ETS2: variants seen among roughly 807,000 people sequenced by gnomAD.
ETS2 encodes the protein protein C-ets-2.
ETS2 carries 19 observed loss-of-function variants against 54.9 expected under a neutral mutation model. The ratio of observed to expected loss-of-function variants is 0.35; its 90% confidence interval spans 0.24 to 0.51. ETS2 has a LOEUF of 0.51. ETS2 is among the 20% of genes least tolerant of loss of function. The pLI is 0.97. For synonymous variants in ETS2, 219 were observed against 229.3 expected (o/e 0.95, Z 0.41); for missense variants, 417 against 593.0 (o/e 0.70, Z 3.08).
chr21:38,806,943 AT>A lies in ETS2; in HGVS notation c.-1+826del. On this transcript the variant is annotated intron_variant, in intron 1 of 9. Transcript: ENST00000360938. The surrounding 1 kb of genome is among the most constrained non-coding windows in gnomAD (Gnocchi z 4.3). ...TAAAACAGTAGTTGACGCGCTAGTT[AT>A]TTAGAAAGTAAAGAAATGAGCAGTC... The A allele has an allele frequency of 1.7e-6, 1 of 574,646 alleles. No homozygotes were observed. Among genetic ancestry groups the A allele is most frequent in the Non-Finnish European group, 2.2e-6 (1 of 454,560 alleles). 35.6% of individuals were successfully genotyped at this position (574,646 alleles called of 1,614,324 possible).
Position 38,814,759 on chromosome 21 carries a change from A to AT in ETS2, c.305-16dup, listed in dbSNP as rs1008527834. 13 of 1,610,332 alleles carry AT rather than the reference A, an allele frequency of 8.1e-6. No individual in the cohort carries two copies. In the Admixed American group the frequency reaches 1.7e-4, roughly 21 times the overall value. On this transcript the variant is annotated intron_variant, in intron 4 of 9. Coordinates refer to ENST00000360938, the MANE Select transcript of ETS2 (RefSeq NM_005239.6). This position sits in a 1 kb window ranked among gnomAD's most constrained non-coding sequence, Gnocchi z 4.2. ...CCACTGTTTTTACCTCATGTGTTCC[A>AT]TTTTTTCTTCTCTCCTGGTAGACCC...
At position 38,822,993 on chromosome 21, in the gene ETS2, TC is replaced by T; in HGVS notation, c.*106del. The T allele has an allele frequency of 2.1e-6, 2 of 956,004 alleles. No individual in the cohort carries two copies. The highest frequency in any genetic ancestry group is 2.9e-6 in the Non-Finnish European group (2 of 679,284). The allele number at this position is 956,004 out of a possible 1,614,324, so 59.2% of individuals were successfully genotyped here. A position where few individuals can be genotyped will look rare whatever the true frequency, so the allele number is the denominator to read the frequency against. On this transcript the variant is annotated 3_prime_UTR_variant, in exon 10 of 10. Transcript: ENST00000360938. The stretch of plus-strand genomic sequence containing the variant: ...CCCAGGAAAGGCAGGATTGAAAATG[TC>T]CAGGAAAGTGGCCAAGAAGCAGTGG...
intron 7 of ETS2, among the ~76,000 whole-genome samples, chr21:38,819,086 G>T (rs1326511939): frequency 1.3e-5 from 2 of 152,106 alleles, no homozygotes; most frequent in Non-Finnish European, 2.9e-5. Flanking sequence ...CATCAATAAT[G>T]TCCCCCCGAC....
chr21:38,815,076 G>T, intron 5 of ETS2, 95 bp downstream of exon 5: 2 of 1,238,878 alleles, frequency 1.6e-6, no homozygotes, highest in Non-Finnish European at 2.3e-6. Flanking sequence ...CAACCTTAGG[G>T]TTGCCACTTG....
Position 38,806,649 on chromosome 21 carries a change from G to A in ETS2, c.-1+529G>A. 1 of 985,370 alleles carries A rather than the reference G, an allele frequency of 1.0e-6. No individual in the cohort carries two copies. Among genetic ancestry groups the A allele is most frequent in the Non-Finnish European group, 1.2e-6 (1 of 829,956 alleles). 61.0% of individuals were successfully genotyped at this position (985,370 alleles called of 1,614,324 possible). ...GAAGGCTGCGGCACCGCGGGAACCT[G>A]CGGGGCGCGGGGTGCCATGGTCACC... On this transcript the variant is annotated intron_variant, in intron 1 of 9. Transcript: ENST00000360938. This position sits in a 1 kb window ranked among gnomAD's most constrained non-coding sequence, Gnocchi z 4.3.
chr21:38,812,649 T>C (rs146678871), intron 2 of ETS2, among the ~76,000 whole-genome samples: 2,040 of 152,202 alleles, frequency 0.013, 44 homozygotes, highest in African/African-American at 0.046. Flanking sequence ...GGCGTGGTGG[T>C]GGGCGCCTGT....
At chr21:38,811,251 G>A (rs892502359) in intron 2 of ETS2, among the ~76,000 whole-genome samples, 10 of 152,072 alleles carry the variant, frequency 6.6e-5, no homozygotes, top group Non-Finnish European at 1.5e-4. Flanking sequence ...AATGCTTGTG[G>A]GAACTTTAAA....
chr21:38,812,369 C>T (rs988726351), intron 2 of ETS2, among the ~76,000 whole-genome samples: 3 of 152,202 alleles, frequency 2.0e-5, no homozygotes, highest in African/African-American at 7.2e-5. Context: ...TGAGGCTCCT[C>T]TCGACACCAT....
rs1309739255 is a variant in ETS2, at chr21:38,819,411, T to A, written c.812-92T>A. 2.6e-6 allele frequency: 3 copies of A among 1,173,728 alleles called. No individual in the cohort carries two copies. The East Asian group carries it at 7.0e-5, about 27-fold the overall frequency. The allele number at this position is 1,173,728 out of a possible 1,614,324, so 72.7% of individuals were successfully genotyped here. The stretch of plus-strand genomic sequence containing the variant: ...TGGTTCTACACCAGCAGGTGCATGA[T>A]TGCACTGGTAGTGGTTGGTGATGCT... On this transcript the variant is annotated intron_variant, in intron 7 of 9. Transcript: ENST00000360938.
rs534774539 is a variant in ETS2 at position 38,824,139 on chromosome 21, G to T, written c.*1250G>T. 1 of 152,764 alleles carries T rather than the reference G, an allele frequency of 6.5e-6. No homozygotes were observed. Among genetic ancestry groups the T allele is most frequent in the Non-Finnish European group, 1.5e-5 (1 of 68,050 alleles). 9.5% of individuals were successfully genotyped at this position (152,764 alleles called of 1,614,324 possible). A position where few individuals can be genotyped will look rare whatever the true frequency, so the allele number is the denominator to read the frequency against. On this transcript the variant is annotated 3_prime_UTR_variant, in exon 10 of 10. Transcript: ENST00000360938. The stretch of plus-strand genomic sequence containing the variant: ...ACTGTACAGAGCTGAAGGACGGGGG[G>T]CGGTAGGGGTCTTGATGAAACCTCT...
intron 1 of ETS2, 47 bp from the exon 2 acceptor site, chr21:38,809,988 T>C: frequency 8.0e-7 from 1 of 1,255,962 alleles, no homozygotes; most frequent in Non-Finnish European, 1.1e-6. Flanking sequence ...ATGAGTTTAG[T>C]GTACTTAATC....
At chr21:38,820,991 G>C (rs373599748) in intron 8 of ETS2, among the ~76,000 whole-genome samples, 1 of 152,190 alleles carries the variant, frequency 6.6e-6, no homozygotes. Context: ...ACAGGTGGAC[G>C]AGAAGCTCTT....
rs778495211 is a variant in ETS2, at chr21:38,819,600, G to T, written c.909G>T (p.Leu303=). ...CCTGGAACAGCCAGTCGTCCTTGCT[G>T]GATGTGCAACGGGTTCCTTCCTTCG... ...LQSWNSQSSL[L]DVQRVPSFES... is the part of the protein sequence containing the mutation. The change falls in exon 8 of 10, where the codon CTG becomes CTT. Residue 303 remains leucine, a synonymous_variant. Transcript: ENST00000360938. The T allele has an allele frequency of 1.2e-6, 2 of 1,614,104 alleles. No individual in the cohort carries two copies. Among genetic ancestry groups the T allele is most frequent in the African/African-American group, 2.7e-5 (2 of 74,930 alleles).
Position 38,822,872 on chromosome 21 carries a change from C to A in ETS2, c.1393C>A (p.Pro465Thr), listed in dbSNP as rs1206754324. 1.3e-6 allele frequency: 2 copies of A among 1,588,380 alleles called. No homozygotes were observed. The highest frequency in any genetic ancestry group is 2.7e-5 in the African/African-American group (2 of 74,400). ...ACTGCACGCCATCCTGGGCGTCCAG[C>A]CCGACACGGAGGACTGAGGTCGCCG... ...EELHAILGVQPDTED is the reference protein window; with the variant it reads ...EELHAILGVQTDTED The change falls in exon 10 of 10, where the codon CCC (proline) becomes ACC (threonine). Residue 465 changes from proline to threonine, a missense_variant. Pro to Thr is a conservative substitution (Grantham distance 38). Coordinates refer to ENST00000360938, the MANE Select transcript of ETS2 (RefSeq NM_005239.6).
Position 38,814,893 on chromosome 21 carries a change from G to A in ETS2, c.417G>A (p.Leu139=), listed in dbSNP as rs751308901. ...GGTTCGGCATGAATGGCCAGATGCT[G>A]TGTAACCTTGGCAAGGAACGCTTTC... ...LQRFGMNGQM[L]CNLGKERFLE... is the part of the protein sequence containing the mutation. The change falls in exon 5 of 10, where the codon CTG becomes CTA. Residue 139 remains leucine, a synonymous_variant. Coordinates refer to ENST00000360938, the MANE Select transcript of ETS2 (RefSeq NM_005239.6). This position sits in a 1 kb window ranked among gnomAD's most constrained non-coding sequence, Gnocchi z 4.2. The A allele has an allele frequency of 6.2e-6, 10 of 1,614,222 alleles. No homozygotes were observed. In the Admixed American group the frequency reaches 1.0e-4, roughly 16 times the overall value.
chr21:38,822,460 C>T (rs1486510417), intron 9 of ETS2, among the ~76,000 whole-genome samples: 2 of 152,112 alleles, frequency 1.3e-5, no homozygotes, highest in Non-Finnish European at 2.9e-5. Context: ...GACCTCATTC[C>T]CCAGTGGTTC....
Position 38,821,112 on chromosome 21 carries a change from G to A in ETS2, c.1076-474G>A, listed in dbSNP as rs535157069. Among the ~76,000 whole-genome samples, 1 of 152,180 alleles carries A rather than the reference G, an allele frequency of 6.6e-6. No homozygotes were observed. The highest frequency in any genetic ancestry group is 1.5e-5 in the Non-Finnish European group (1 of 68,024). ...CAATTTACACATGGTCATTTGGCAG[G>A]AAGGTGGCATGGGATCCCACGTATG... is the stretch of plus-strand genomic sequence containing the variant. On this transcript the variant is annotated intron_variant, in intron 8 of 9. Transcript: ENST00000360938. This position sits in a 1 kb window ranked among gnomAD's most constrained non-coding sequence, Gnocchi z 4.2.
Position 38,819,780 on chromosome 21 carries a change from T to C in ETS2, c.1075+14T>C. 1 of 1,607,278 alleles carries C rather than the reference T, an allele frequency of 6.2e-7. No homozygotes were observed. The highest frequency in any genetic ancestry group is 1.1e-5 in the South Asian group (1 of 90,522). ...CCGGCTTCACAGGTGTGTGTGGAAC[T>C]CCGAGAGCCTGGCCGCCCAGTCTCC... On this transcript the variant is annotated intron_variant, in intron 8 of 9. Transcript: ENST00000360938.
rs1447124230 is a variant in ETS2, at chr21:38,805,956, G to T, written c.-165G>T. ...TTACTTCCTCCAGAGACTGACGAGTGCGGTGTCGCTCCAGCTCAGAGCTCC... is the reference window on the plus strand; with the variant it reads ...TTACTTCCTCCAGAGACTGACGAGTTCGGTGTCGCTCCAGCTCAGAGCTCC... On this transcript the variant is annotated 5_prime_UTR_variant, in exon 1 of 10. Coordinates refer to ENST00000360938, the MANE Select transcript of ETS2 (RefSeq NM_005239.6). This position sits in a 1 kb window ranked among gnomAD's most constrained non-coding sequence, Gnocchi z 5.2. 7 of 1,270,600 alleles carry T rather than the reference G, an allele frequency of 5.5e-6. No individual in the cohort carries two copies. The highest frequency in any genetic ancestry group is 7.1e-6 in the Non-Finnish European group (7 of 981,804). 78.7% of individuals were successfully genotyped at this position (1,270,600 alleles called of 1,614,324 possible).
Sources: gnomAD v4.1 joint callset for allele counts (sites outside exome capture counted in the v4.1 genomes callset) on GRCh38, gnomAD v4.1.1 for gene constraint, Gnocchi (gnomAD v3.1) non-coding constraint, MANE v1.5 for transcripts, NCBI Gene and HGNC (gene_info 2026-07-23, HGNC 2026-07-21) for gene names.